FBXO15: variants seen among roughly 807,000 people sequenced by gnomAD.
FBXO15 encodes F-box only protein 15.
FBXO15 carries 30 observed loss-of-function variants against 49.5 expected under a neutral mutation model. The observed-to-expected ratio is 0.61, with a 90% CI of 0.45 to 0.82. The LOEUF is 0.82. Among genes scored for constraint, FBXO15 ranks in the 40% least tolerant of loss-of-function variants. The pLI, the probability that FBXO15 is intolerant of heterozygous loss-of-function variation, is 0.00. For synonymous variants in FBXO15, 250 were observed against 232.7 expected, an observed-to-expected ratio of 1.07 and a Z score of -0.68; for missense variants, 591 against 631.5, an observed-to-expected ratio of 0.94 and a Z score of 0.69.
At chr18:74,123,105 A>G in intron 8 of FBXO15, 1 of 351,008 alleles carries the variant, frequency 2.8e-6, no homozygotes, top group South Asian at 7.2e-5. Flanking sequence ...ATAAGGAAGC[A>G]TCAGTAGAGA....
At chr18:74,129,136 T>C (rs1483965405) in intron 5 of FBXO15, among the ~76,000 whole-genome samples, 1 of 152,200 alleles carries the variant, frequency 6.6e-6, no homozygotes, top group African/African-American at 2.4e-5. Flanking sequence ...CCTCAAAGGT[T>C]AGCCATCAAT....
chr18:74,138,381 C>G (rs936430427), intron 2 of FBXO15, among the ~76,000 whole-genome samples: 2 of 152,152 alleles, frequency 1.3e-5, no homozygotes, highest in East Asian at 1.9e-4. Flanking sequence ...CCTCCTCCCC[C>G]CGCCTCCCCA....
intron 9 of FBXO15, among the ~76,000 whole-genome samples, chr18:74,080,523 C>G (rs1312024868): frequency 6.6e-6 from 1 of 152,334 alleles, no homozygotes; most frequent in South Asian, 2.1e-4. Context: ...TTTTTCTAAA[C>G]ACCTGTGCAC....
chr18:74,122,621 A>G (rs967850392), intron 8 of FBXO15: 3 of 152,242 alleles, frequency 2.0e-5, no homozygotes, highest in Admixed American at 6.5e-5. Context: ...AATAATGAAG[A>G]TATCTAGTGG....
intron 8 of FBXO15, among the ~76,000 whole-genome samples, chr18:74,093,652 G>C (rs1466751791): frequency 6.6e-6 from 1 of 152,180 alleles, no homozygotes; most frequent in Non-Finnish European, 1.5e-5. Context: ...AGTCACAGCA[G>C]GCCCCACTTC....
intron 2 of FBXO15, among the ~76,000 whole-genome samples, chr18:74,139,216 T>C (rs1978913594): frequency 6.6e-6 from 1 of 152,200 alleles, no homozygotes; most frequent in Non-Finnish European, 1.5e-5. Flanking sequence ...CAACAACAGG[T>C]ATCCCAGCTT....
In FBXO15 at chr18:74,073,694, G is replaced by C; in HGVS notation, c.1300C>G (p.His434Asp). The C allele has an allele frequency of 6.2e-7, 1 of 1,613,904 alleles. No individual in the cohort carries two copies. Among genetic ancestry groups the C allele is most frequent in the Non-Finnish European group, 8.5e-7 (1 of 1,179,946 alleles). ...SMMDVTLLDE[H>D]GKPFWCFSSP... Reference sequence around the variant, plus strand: ...CTGAAACACCAAAAGGGTTTCCCATGTTCATCCAAAAGAGTTACGTCCATC... The same window carrying C: ...CTGAAACACCAAAAGGGTTTCCCATCTTCATCCAAAAGAGTTACGTCCATC... The change falls in exon 10 of 10, where the codon CAT (histidine) becomes GAT (aspartate). Residue 434 changes from histidine to aspartate, a missense_variant. By Grantham distance (81) the His-to-Asp change is moderately conservative (BLOSUM62 -1). Coordinates refer to ENST00000419743, the MANE Select transcript of FBXO15 (RefSeq NM_001142958.2).
intron 8 of FBXO15, among the ~76,000 whole-genome samples, chr18:74,110,737 C>A (rs1913987616): frequency 6.6e-6 from 1 of 151,794 alleles, no homozygotes; most frequent in Admixed American, 6.6e-5. Context: ...AAGCTAACAC[C>A]AATCAAAAGA....
At chr18:74,084,341 T>C (rs571243587) in intron 8 of FBXO15, among the ~76,000 whole-genome samples, 80 of 152,268 alleles carry the variant, frequency 5.3e-4, no homozygotes, top group African/African-American at 1.9e-3. Context: ...GTGAGACACA[T>C]GTGTTCCTGT....
intron 7 of FBXO15, 43 bp downstream of exon 7, chr18:74,124,446 T>C (rs764319856): frequency 6.7e-7 from 1 of 1,488,798 alleles, no homozygotes; most frequent in Admixed American, 1.7e-5. Context: ...ATACTTTATA[T>C]TTACTGTACA....
chr18:74,111,261 C>CAAAAA (rs60236226), intron 8 of FBXO15, among the ~76,000 whole-genome samples: 1 of 84,362 alleles, frequency 1.2e-5, no homozygotes, highest in Non-Finnish European at 2.7e-5. Context: ...GTCTCTGTCT[C>CAAAAA]AAAAAAAAAA....
At chr18:74,112,218 C>A (rs1025049787) in intron 8 of FBXO15, among the ~76,000 whole-genome samples, 23 of 152,066 alleles carry the variant, frequency 1.5e-4, no homozygotes, top group African/African-American at 5.3e-4. Flanking sequence ...ATTTCGAAAC[C>A]AAAAACATTG....
chr18:74,102,157 A>T (rs1365480458), intron 8 of FBXO15, among the ~76,000 whole-genome samples: 1 of 151,502 alleles, frequency 6.6e-6, no homozygotes, highest in Non-Finnish European at 1.5e-5. Flanking sequence ...GCAAAAGAAC[A>T]GTTAGTAAAC....
chr18:74,133,387 T>C (rs886168889), intron 3 of FBXO15, among the ~76,000 whole-genome samples: 2 of 152,088 alleles, frequency 1.3e-5, no homozygotes, highest in African/African-American at 4.8e-5. Flanking sequence ...GCAGGTGAAG[T>C]GGAGAGAGAA....
chr18:74,120,303 T>A (rs1175700202), intron 8 of FBXO15, among the ~76,000 whole-genome samples: 12 of 152,174 alleles, frequency 7.9e-5, no homozygotes, highest in Admixed American at 7.9e-4. Flanking sequence ...GCAAAAAATA[T>A]CAACTCTCTC....
At chr18:74,129,776 T>C (rs1273865274) in intron 4 of FBXO15, among the ~76,000 whole-genome samples, 162 bp from the exon 5 acceptor site, 2 of 152,150 alleles carry the variant, frequency 1.3e-5, no homozygotes, top group African/African-American at 2.4e-5. Flanking sequence ...AATAGTACTC[T>C]CTTTAGACTT....
At position 74,123,462 on chromosome 18, in the gene FBXO15, C is replaced by T. The variant is rs937751996; in HGVS notation, c.1044G>A (p.Glu348=). The change falls in exon 8 of 10, where the codon GAG becomes GAA. Residue 348 remains glutamate, a synonymous_variant. Coordinates refer to ENST00000419743, the MANE Select transcript of FBXO15 (RefSeq NM_001142958.2). ...GGAGTTGGTAGCCGTGCAGTCCATA[C>T]TCGGGGCTATCATCCAAAAAGGGGC... ...PHSPFLDDSP[E]YGLHGYQLHV... The T allele has an allele frequency of 3.7e-6, 6 of 1,613,912 alleles. No homozygotes were observed. The highest frequency in any genetic ancestry group is 1.1e-5 in the South Asian group (1 of 91,044).
chr18:74,130,743 T>G, intron 3 of FBXO15, 85 bp from the exon 4 acceptor site: 1 of 1,400,522 alleles, frequency 7.1e-7, no homozygotes, highest in Non-Finnish European at 9.7e-7. Context: ...ATGCATATTT[T>G]CAAATAATCC....
At chr18:74,096,597 A>G (rs556189089) in intron 8 of FBXO15, among the ~76,000 whole-genome samples, 23 of 152,128 alleles carry the variant, frequency 1.5e-4, no homozygotes, top group African/African-American at 5.5e-4. Flanking sequence ...ATAGCCATAT[A>G]GCCACAAGAA....
Sources: gnomAD v4.1 joint callset for allele counts (sites outside exome capture counted in the v4.1 genomes callset) on GRCh38, gnomAD v4.1.1 for gene constraint, MANE v1.5 for transcripts, NCBI Gene and HGNC (gene_info 2026-07-23, HGNC 2026-07-21) for gene names.